PTPRD: variants seen among roughly 807,000 people sequenced by gnomAD.
The protein encoded by PTPRD is protein tyrosine phosphatase receptor type D, also known as receptor-type tyrosine-protein phosphatase delta.
PTPRD carries 34 observed loss-of-function variants against 214.5 expected under a neutral mutation model. The observed-to-expected ratio is 0.16, with a 90% CI of 0.12 to 0.21. PTPRD has a LOEUF of 0.21. PTPRD is among the 10% of genes least tolerant of loss of function. The probability of loss-of-function intolerance (pLI) is 1.00; values close to 1 mark genes in which losing one functional copy is unlikely to be tolerated. For synonymous variants in PTPRD, 1,128 were observed against 845.7 expected, an observed-to-expected ratio of 1.33 and a Z score of -5.79; for missense variants, 2,545 against 2,398.7, an observed-to-expected ratio of 1.06 and a Z score of -1.27.
chr9:9,906,589 T>G (rs962478444), intron 5 of PTPRD, among the ~76,000 whole-genome samples: 3 of 152,006 alleles, frequency 2.0e-5, no homozygotes, highest in Non-Finnish European at 4.4e-5. Flanking sequence ...CACATTTATT[T>G]AAGTCATACT....
At chr9:9,445,422 G>T (rs752150395) in intron 8 of PTPRD, among the ~76,000 whole-genome samples, 1 of 152,036 alleles carries the variant, frequency 6.6e-6, no homozygotes, top group African/African-American at 2.4e-5. Context: ...TTTTCACTTG[G>T]CACCTGTATT....
chr9:9,046,102 G>T (rs879358654), intron 10 of PTPRD, among the ~76,000 whole-genome samples: 1 of 152,168 alleles, frequency 6.6e-6, no homozygotes, highest in Non-Finnish European at 1.5e-5. Context: ...TAAAATGTCA[G>T]AAACTTTATT....
At chr9:8,382,936 T>C (rs554340698) in intron 37 of PTPRD, among the ~76,000 whole-genome samples, 1 of 152,338 alleles carries the variant, frequency 6.6e-6, no homozygotes, top group African/African-American at 2.4e-5. Flanking sequence ...ACCTGGCATT[T>C]GGAAAGCATT....
At chr9:8,832,870 A>T (rs188883219) in intron 11 of PTPRD, among the ~76,000 whole-genome samples, 13 of 152,222 alleles carry the variant, frequency 8.5e-5, no homozygotes, top group Admixed American at 2.6e-4. Context: ...ATACCCCCAA[A>T]GAACAAAAAA....
At chr9:9,118,345 T>C (rs1213368806) in intron 10 of PTPRD, among the ~76,000 whole-genome samples, 1 of 152,156 alleles carries the variant, frequency 6.6e-6, no homozygotes, top group Non-Finnish European at 1.5e-5. Context: ...TGAACAGATA[T>C]GATCCATTTA....
In PTPRD at chr9:9,402,977, A is replaced by AC. The variant is rs1569568016; in HGVS notation, c.-236-5496_-236-5495insG. Among the ~76,000 whole-genome samples, 231 of 145,446 alleles carry AC rather than the reference A, an allele frequency of 1.6e-3. 1 individual carries two copies. The highest frequency in any genetic ancestry group is 5.6e-3 in the African/African-American group (214 of 38,412). On this transcript the variant is annotated intron_variant, in intron 8 of 45. Coordinates refer to ENST00000381196, the MANE Select transcript of PTPRD (RefSeq NM_002839.4). ...TTGTCTAATAGGGAGAAAAAAAAAAAAAAAAAAAAAAACACCAAAAAAAAA... is the reference window on the plus strand; with the variant it reads ...TTGTCTAATAGGGAGAAAAAAAAAAACAAAAAAAAAAAACACCAAAAAAAAA...
Position 10,612,456 on chromosome 9 carries a change from A to C in PTPRD, c.-658T>G, listed in dbSNP as rs1251239271. The C allele has an allele frequency of 6.6e-6, 1 of 152,220 alleles. No individual in the cohort carries two copies. Among genetic ancestry groups the C allele is most frequent in the Non-Finnish European group, 1.5e-5 (1 of 68,094 alleles). The allele number at this position is 152,220 out of a possible 1,614,324, so 9.4% of individuals were successfully genotyped here. A position where few individuals can be genotyped will look rare whatever the true frequency, so the allele number is the denominator to read the frequency against. On this transcript the variant is annotated 5_prime_UTR_variant, in exon 2 of 46. Transcript: ENST00000381196. The stretch of plus-strand genomic sequence containing the variant: ...TGAGGAGTCTTCTCTTTTCTTTCCT[A>C]CCAGTCAAATAAAGAATTGTCTTTC...
chr9:9,364,523 C>T (rs2057304598), intron 9 of PTPRD, among the ~76,000 whole-genome samples: 1 of 151,260 alleles, frequency 6.6e-6, no homozygotes, highest in South Asian at 2.1e-4. Flanking sequence ...GGCAGCTATC[C>T]CTGCACATAT....
Position 9,000,378 on chromosome 9 carries a change from A to T in PTPRD, c.-104+18319T>A, listed in dbSNP as rs555015545. ...TGCAATAGGGGAGAATTCCTGGATG[A>T]AGATGGGCAGGTAAGAGTAAAGAGA... On this transcript the variant is annotated intron_variant, in intron 11 of 45. Coordinates refer to ENST00000381196, the MANE Select transcript of PTPRD (RefSeq NM_002839.4). Among the ~76,000 whole-genome samples the T allele has an allele frequency of 3.4e-4, 51 of 152,058 alleles. 1 individual carries two copies. The highest frequency in any genetic ancestry group is 5.9e-4 in the Non-Finnish European group (40 of 67,990).
chr9:8,875,291 C>T (rs77453736), intron 11 of PTPRD, among the ~76,000 whole-genome samples: 3,749 of 152,112 alleles, frequency 0.025, 77 homozygotes, highest in East Asian at 0.071. Flanking sequence ...TTCGGGAGGC[C>T]GAGGTAGGAG....
At chr9:8,651,750 T>C (rs746471675) in intron 12 of PTPRD, among the ~76,000 whole-genome samples, 20 of 152,296 alleles carry the variant, frequency 1.3e-4, no homozygotes, top group Middle Eastern at 3.4e-3. Flanking sequence ...AAATCTGTTA[T>C]GTTTTGGCCA....
chr9:10,089,542 G>A (rs2098404435), intron 3 of PTPRD, among the ~76,000 whole-genome samples: 1 of 151,508 alleles, frequency 6.6e-6, no homozygotes, highest in Non-Finnish European at 1.5e-5. Flanking sequence ...ATAATGTTGA[G>A]GTAAACTGAG....
At chr9:9,468,915 T>G (rs143964321) in intron 8 of PTPRD, among the ~76,000 whole-genome samples, 3,132 of 152,280 alleles carry the variant, frequency 0.021, 48 homozygotes, top group Non-Finnish European at 0.028. Flanking sequence ...CTCATGTGTA[T>G]GTAGAGTAAA....
At chr9:8,372,268 G>A (rs1005882765) in intron 39 of PTPRD, among the ~76,000 whole-genome samples, 7 of 152,050 alleles carry the variant, frequency 4.6e-5, no homozygotes, top group African/African-American at 1.4e-4. Context: ...CCAAATTCAT[G>A]TTGAATTTTT....
chr9:10,461,711 G>A lies in PTPRD; in HGVS notation c.-599-120694C>T, dbSNP rs182280149. 3.2e-3 allele frequency among the ~76,000 whole-genome samples: 477 copies of A among 150,344 alleles called. 2 individuals are homozygous for A. Among genetic ancestry groups the A allele is most frequent in the Non-Finnish European group, 2.4e-3 (166 of 67,772 alleles). On this transcript the variant is annotated intron_variant, in intron 2 of 45. Transcript: ENST00000381196. ...GATATCAGCTCACTGCAACCTCTGC[G>A]TCCTGGGTTCAAGCAATTCTCCTGT...
intron 14 of PTPRD, among the ~76,000 whole-genome samples, chr9:8,582,513 A>T (rs1227019298): frequency 6.6e-6 from 1 of 152,192 alleles, no homozygotes; most frequent in Non-Finnish European, 1.5e-5. Flanking sequence ...CATTTAACTG[A>T]CAAGGAATTA....
chr9:10,050,165 G>A (rs754673401), intron 3 of PTPRD, among the ~76,000 whole-genome samples: 4 of 152,068 alleles, frequency 2.6e-5, no homozygotes, highest in Non-Finnish European at 4.4e-5. Context: ...CCCCAAGAAT[G>A]AGGGTGACTA....
intron 9 of PTPRD, among the ~76,000 whole-genome samples, chr9:9,376,596 T>C (rs1200024218): frequency 6.6e-6 from 1 of 152,152 alleles, no homozygotes; most frequent in Non-Finnish European, 1.5e-5. Flanking sequence ...GTGAAACATT[T>C]CCTAAACACT....
chr9:10,524,245 C>CT (rs1307024163), intron 2 of PTPRD, among the ~76,000 whole-genome samples: 1 of 152,048 alleles, frequency 6.6e-6, no homozygotes, highest in African/African-American at 2.4e-5. Flanking sequence ...AAACTAGGCA[C>CT]TTGGGAGCAT....
Sources: allele counts gnomAD v4.1 joint callset (sites outside exome capture counted in the v4.1 genomes callset), GRCh38; gene constraint gnomAD v4.1.1; transcripts MANE v1.5; gene names NCBI Gene and HGNC (gene_info 2026-07-23, HGNC 2026-07-21).